SPEGNB: variants seen among roughly 807,000 people sequenced by gnomAD.
The protein encoded by SPEGNB is SPEG neighbor, also known as SPEG neighbor protein.
Under a neutral mutation model 18.3 loss-of-function variants are expected in SPEGNB, and 12 were observed. That is an observed-to-expected ratio of 0.65 (90% confidence interval 0.42 to 1.06). The LOEUF (loss-of-function observed/expected upper bound fraction) is 1.06. Among genes scored for constraint, SPEGNB ranks in the 50% least tolerant of loss-of-function variants. SPEGNB has a pLI of 0.00. For missense variants in SPEGNB, 273 were observed against 329.3 expected (o/e 0.83, Z 1.32); for synonymous variants, 113 against 138.8 (o/e 0.81, Z 1.31).
rs940283048 is a variant in SPEGNB, at chr2:219,497,694, G to A, written c.437-26G>A. ...GCCTCATCTCCGGGTCCTTCACGGG[G>A]TTTCGCTCCCCTTTCCTTCCGCTAG... is the stretch of plus-strand genomic sequence containing the variant. On this transcript the variant is annotated intron_variant, in intron 3 of 4. Transcript: ENST00000651166. The A allele has an allele frequency of 1.2e-5, 16 of 1,299,412 alleles. No individual in the cohort carries two copies. In the African/African-American group the frequency reaches 2.4e-4, roughly 20 times the overall value. 80.5% of individuals were successfully genotyped at this position (1,299,412 alleles called of 1,614,324 possible).
In SPEGNB at chr2:219,496,794, T is replaced by C. The variant is rs1694232861; in HGVS notation, c.129-15T>C. 2 of 1,227,482 alleles carry C rather than the reference T, an allele frequency of 1.6e-6. No individual in the cohort carries two copies. Among genetic ancestry groups the C allele is most frequent in the Middle Eastern group, 5.1e-4 (2 of 3,950 alleles). The allele number at this position is 1,227,482 out of a possible 1,614,324, so 76.0% of individuals were successfully genotyped here. A position where few individuals can be genotyped will look rare whatever the true frequency, so the allele number is the denominator to read the frequency against. On this transcript the variant is annotated splice_polypyrimidine_tract_variant and intron_variant, in intron 2 of 4. Coordinates refer to ENST00000651166, the MANE Select transcript of SPEGNB (RefSeq NM_001286811.2). Reference sequence around the variant, plus strand: ...TGTCTTAGGAACTCTGGGCCCTGACTCGGCCCGCGGGTAGGTCCCGGAAGG... The same window carrying C: ...TGTCTTAGGAACTCTGGGCCCTGACCCGGCCCGCGGGTAGGTCCCGGAAGG...
At position 219,497,847 on chromosome 2, in the gene SPEGNB, C is replaced by G. The variant is rs1024606330; in HGVS notation, c.564C>G (p.Ile188Met). 2 of 1,304,026 alleles carry G rather than the reference C, an allele frequency of 1.5e-6. No individual in the cohort carries two copies. Among genetic ancestry groups the G allele is most frequent in the Admixed American group, 2.3e-5 (1 of 43,540 alleles). 80.8% of individuals were successfully genotyped at this position (1,304,026 alleles called of 1,614,324 possible). The change falls in exon 4 of 5, where the codon ATC (isoleucine) becomes ATG (methionine). Residue 188 changes from isoleucine (I) to methionine (M), a missense_variant. Transcript: ENST00000651166. ...DVGWTKDGEDIEEDDRVFFEI... is the reference protein window; with the variant it reads ...DVGWTKDGEDMEEDDRVFFEI... ...GCTGGACCAAGGACGGGGAGGACAT[C>G]GAGGAGGATGACAGGCGAGGGCCGG...
chr2:219,497,348 G>A (rs1348125626), intron 3 of SPEGNB, among the ~76,000 whole-genome samples: 2 of 152,202 alleles, frequency 1.3e-5, no homozygotes, highest in Non-Finnish European at 2.9e-5. Flanking sequence ...CCATCACGCG[G>A]CTCCGGGTCC....
rs1355781738 is a variant in SPEGNB at position 219,496,432 on chromosome 2, A to G, written c.78A>G (p.Pro26=). 9 of 1,292,068 alleles carry G rather than the reference A, an allele frequency of 7.0e-6. No individual in the cohort carries two copies. The highest frequency in any genetic ancestry group is 9.2e-6 in the Non-Finnish European group (9 of 979,696). The allele number at this position is 1,292,068 out of a possible 1,614,324, so 80.0% of individuals were successfully genotyped here. A position where few individuals can be genotyped will look rare whatever the true frequency, so the allele number is the denominator to read the frequency against. The stretch of plus-strand genomic sequence containing the variant: ...GATGTACCCTGGACATCAATGACCC[A>G]CAGGTCCAGAGTGCGGCCATTCGTA... The part of the protein sequence containing the change: ...APGCTLDIND[P]QVQSAAIRIQ... Residue 26 remains proline, a synonymous_variant, in exon 2 of 5, where the codon CCA becomes CCG. Transcript: ENST00000651166.
chr2:219,497,858 A>G lies in SPEGNB; in HGVS notation c.575A>G (p.Asp192Gly). 7.7e-7 allele frequency: 1 copy of G among 1,304,034 alleles called. No individual in the cohort carries two copies. The highest frequency in any genetic ancestry group is 1.0e-6 in the Non-Finnish European group (1 of 988,792). 80.8% of individuals were successfully genotyped at this position (1,304,034 alleles called of 1,614,324 possible). Residue 192 changes from aspartate to glycine, a missense_variant, in exon 4 of 5, where the codon GAC becomes GGC. Asp to Gly is a moderately conservative substitution (Grantham distance 94). Coordinates refer to ENST00000651166, the MANE Select transcript of SPEGNB (RefSeq NM_001286811.2). ...TKDGEDIEED[D>G]RVFFEIGSTT... ...GACGGGGAGGACATCGAGGAGGATGACAGGCGAGGGCCGGGACCTGCGGCA... is the reference window on the plus strand; with the variant it reads ...GACGGGGAGGACATCGAGGAGGATGGCAGGCGAGGGCCGGGACCTGCGGCA...
Position 219,497,081 on chromosome 2 carries a change from G to A in SPEGNB, c.401G>A (p.Gly134Asp). Residue 134 changes from glycine (G) to aspartate (D), a missense_variant, in exon 3 of 5, where the codon GGC becomes GAC. Transcript: ENST00000651166. Reference protein sequence around the residue: ...QYSINVTNPFGQCSDSARILV... With the variant: ...QYSINVTNPFDQCSDSARILV... ...AGCATCAACGTCACCAACCCCTTCG[G>A]CCAGTGCTCCGACTCGGCGCGCATC... is the stretch of plus-strand genomic sequence containing the variant. 1 of 1,229,500 alleles carries A rather than the reference G, an allele frequency of 8.1e-7. No individual in the cohort carries two copies. Among genetic ancestry groups the A allele is most frequent in the Non-Finnish European group, 1.1e-6 (1 of 946,232 alleles). 76.2% of individuals were successfully genotyped at this position (1,229,500 alleles called of 1,614,324 possible).
In SPEGNB at chr2:219,496,910, T is replaced by C. The variant is rs1335637469; in HGVS notation, c.230T>C (p.Ile77Thr). The C allele has an allele frequency of 7.7e-7, 1 of 1,300,852 alleles. No homozygotes were observed. The highest frequency in any genetic ancestry group is 5.6e-5 in the East Asian group (1 of 17,886). 80.6% of individuals were successfully genotyped at this position (1,300,852 alleles called of 1,614,324 possible). A position where few individuals can be genotyped will look rare whatever the true frequency, so the allele number is the denominator to read the frequency against. ...EGSAAKLTCR[I>T]SAFPDPFIRW... ...AGCGCGGCCAAGCTCACTTGCCGCA[T>C]TTCGGCTTTCCCGGACCCATTCATC... Residue 77 changes from isoleucine to threonine, a missense_variant, in exon 3 of 5, where the codon ATT (isoleucine) becomes ACT (threonine). By Grantham distance (89) the Ile-to-Thr change is moderately conservative (BLOSUM62 -1). Coordinates refer to ENST00000651166, the MANE Select transcript of SPEGNB (RefSeq NM_001286811.2).
At position 219,498,025 on chromosome 2, in the gene SPEGNB, C is replaced by T. The variant is rs1410162890; in HGVS notation, c.579-26C>T. On this transcript the variant is annotated intron_variant, in intron 4 of 4. Transcript: ENST00000651166. The stretch of plus-strand genomic sequence containing the variant: ...CGCCCGTGTACTGACCACGGCTCCG[C>T]CCTCCTCCCCGCCGCCCTTCCGCAG... 10 of 1,294,154 alleles carry T rather than the reference C, an allele frequency of 7.7e-6. No homozygotes were observed. The South Asian group carries it at 1.1e-4, about 15-fold the overall frequency. 80.2% of individuals were successfully genotyped at this position (1,294,154 alleles called of 1,614,324 possible). A position where few individuals can be genotyped will look rare whatever the true frequency, so the allele number is the denominator to read the frequency against.
chr2:219,497,967 G>A, intron 4 of SPEGNB, 84 bp from the exon 5 acceptor site: 6 of 1,274,694 alleles, frequency 4.7e-6, no homozygotes, highest in Non-Finnish European at 6.2e-6. Context: ...TGGGCAGCGA[G>A]GAACAGAGCT....
At chr2:219,497,402 CG>C (rs1268209988) in intron 3 of SPEGNB, among the ~76,000 whole-genome samples, 1 of 152,202 alleles carries the variant, frequency 6.6e-6, no homozygotes, top group Non-Finnish European at 1.5e-5. Context: ...GGGTTGGACC[CG>C]GGTCTTCTGG....
rs1694242711 is a variant in SPEGNB, at chr2:219,497,122, C to T, written c.436+6C>T. Reference sequence around the variant, plus strand: ...GGCGCGCATCCTCGTGGAAGGTACGCGCGCCCCGGGCGCAGCGCCAGGGCG... The same window carrying T: ...GGCGCGCATCCTCGTGGAAGGTACGTGCGCCCCGGGCGCAGCGCCAGGGCG... On this transcript the variant is annotated splice_donor_region_variant and intron_variant, in intron 3 of 4. Transcript: ENST00000651166. The T allele has an allele frequency of 8.4e-7, 1 of 1,193,866 alleles. No homozygotes were observed. The highest frequency in any genetic ancestry group is 1.1e-6 in the Non-Finnish European group (1 of 932,028). 74.0% of individuals were successfully genotyped at this position (1,193,866 alleles called of 1,614,324 possible).
Position 219,496,905 on chromosome 2 carries a change from C to T in SPEGNB, c.225C>T (p.Cys75=), listed in dbSNP as rs1397828821. The stretch of plus-strand genomic sequence containing the variant: ...AAGGCAGCGCGGCCAAGCTCACTTG[C>T]CGCATTTCGGCTTTCCCGGACCCAT... ...LIEGSAAKLT[C]RISAFPDPFI... Residue 75 remains cysteine (C), a synonymous_variant, in exon 3 of 5, where the codon TGC becomes TGT. Coordinates refer to ENST00000651166, the MANE Select transcript of SPEGNB (RefSeq NM_001286811.2). 5.4e-6 allele frequency: 7 copies of T among 1,299,852 alleles called. No individual in the cohort carries two copies. Among genetic ancestry groups the T allele is most frequent in the South Asian group, 1.2e-5 (1 of 80,806 alleles). 80.5% of individuals were successfully genotyped at this position (1,299,852 alleles called of 1,614,324 possible).
Position 219,497,768 on chromosome 2 carries a change from G to T in SPEGNB, c.485G>T (p.Gly162Val). 2 of 1,304,348 alleles carry T rather than the reference G, an allele frequency of 1.5e-6. No individual in the cohort carries two copies. Among genetic ancestry groups the T allele is most frequent in the African/African-American group, 1.5e-5 (1 of 65,980 alleles). 80.8% of individuals were successfully genotyped at this position (1,304,348 alleles called of 1,614,324 possible). A position where few individuals can be genotyped will look rare whatever the true frequency, so the allele number is the denominator to read the frequency against. The change falls in exon 4 of 5, where the codon GGC (glycine) becomes GTC (valine). Residue 162 changes from glycine to valine, a missense_variant. Gly to Val is a moderately radical substitution (Grantham distance 109). Coordinates refer to ENST00000651166, the MANE Select transcript of SPEGNB (RefSeq NM_001286811.2). The part of the protein sequence containing the change: ...KGPDNTKARK[G>V]TTVTLTAEIL... ...CCCGACAACACTAAGGCGCGCAAAG[G>T]CACCACCGTGACGCTGACTGCGGAG...
Position 219,498,162 on chromosome 2 carries a change from G to C in SPEGNB, c.690G>C (p.Gln230His), listed in dbSNP as rs1323997643. 7.7e-7 allele frequency: 1 copy of C among 1,304,252 alleles called. No individual in the cohort carries two copies. The highest frequency in any genetic ancestry group is 2.3e-5 in the Admixed American group (1 of 43,568). 80.8% of individuals were successfully genotyped at this position (1,304,252 alleles called of 1,614,324 possible). A position where few individuals can be genotyped will look rare whatever the true frequency, so the allele number is the denominator to read the frequency against. ...TGGAGAACAGCCTGGGCATGGACCA[G>C]AGCTTCGCTCGCGTCGACGTGGCCT... ...VYVENSLGMD[Q>H]SFARVDVA Residue 230 changes from glutamine (Q) to histidine (H), a missense_variant, in exon 5 of 5, where the codon CAG (glutamine) becomes CAC (histidine). Transcript: ENST00000651166.
At chr2:219,496,586 G>A (rs1000943529) in intron 2 of SPEGNB, 104 bp downstream of exon 2, 9 of 1,112,460 alleles carry the variant, frequency 8.1e-6, no homozygotes, top group Admixed American at 3.7e-5. Context: ...CCTTTAGAAT[G>A]AGTGGTCTCA....
In SPEGNB at chr2:219,496,887, C is replaced by T; in HGVS notation, c.207C>T (p.Ser69=). Residue 69 remains serine (S), a synonymous_variant, in exon 3 of 5, where the codon AGC becomes AGT. Coordinates refer to ENST00000651166, the MANE Select transcript of SPEGNB (RefSeq NM_001286811.2). ...PLKDVVLIEG[S]AAKLTCRISA... Reference sequence around the variant, plus strand: ...AGGACGTGGTGCTGATCGAAGGCAGCGCGGCCAAGCTCACTTGCCGCATTT... The same window carrying T: ...AGGACGTGGTGCTGATCGAAGGCAGTGCGGCCAAGCTCACTTGCCGCATTT... 2 of 1,292,884 alleles carry T rather than the reference C, an allele frequency of 1.5e-6. No homozygotes were observed. Among genetic ancestry groups the T allele is most frequent in the Non-Finnish European group, 2.0e-6 (2 of 980,916 alleles). The allele number at this position is 1,292,884 out of a possible 1,614,324, so 80.1% of individuals were successfully genotyped here. A position where few individuals can be genotyped will look rare whatever the true frequency, so the allele number is the denominator to read the frequency against.
chr2:219,496,764 G>C (rs2010592), intron 2 of SPEGNB, 45 bp from the exon 3 acceptor site: 7 of 1,199,266 alleles, frequency 5.8e-6, no homozygotes, highest in Non-Finnish European at 6.4e-6. Flanking sequence ...GGCTGTGGCC[G>C]GGCCTGTCTT....
At chr2:219,496,614 A>C in intron 2 of SPEGNB, 132 bp downstream of exon 2, 11 of 1,033,750 alleles carry the variant, frequency 1.1e-5, no homozygotes, top group Non-Finnish European at 1.4e-5. Flanking sequence ...GTCGTTACTG[A>C]GGTATGGGGG....
At chr2:219,497,906 C>T (rs903081520) in intron 4 of SPEGNB, 45 bp downstream of exon 4, 12 of 1,299,418 alleles carry the variant, frequency 9.2e-6, no homozygotes, top group Non-Finnish European at 1.2e-5. Context: ...GGGGCTGGAA[C>T]CTGGGTGGGA....
Sources: gnomAD v4.1 joint callset for allele counts (sites outside exome capture counted in the v4.1 genomes callset) on GRCh38, gnomAD v4.1.1 for gene constraint, MANE v1.5 for transcripts, NCBI Gene and HGNC (gene_info 2026-07-23, HGNC 2026-07-21) for gene names.